PCDH9: variants seen among roughly 807,000 people sequenced by gnomAD.
PCDH9 encodes protocadherin-9.
Under a neutral mutation model 70.6 loss-of-function variants are expected in PCDH9, and 24 were observed. The observed-to-expected ratio is 0.34, with a 90% CI of 0.25 to 0.48. The LOEUF (loss-of-function observed/expected upper bound fraction) is 0.48. Ranked by LOEUF, PCDH9 falls within the 20% of genes least tolerant of loss-of-function variation. PCDH9 has a pLI of 0.99. For synonymous variants in PCDH9, 562 were observed against 558.5 expected (o/e 1.01, Z -0.09); for missense variants, 1,281 against 1,503.6 (o/e 0.85, Z 2.45).
At chr13:66,410,968 C>G (rs1207729981) in intron 4 of PCDH9, among the ~76,000 whole-genome samples, 2 of 152,172 alleles carry the variant, frequency 1.3e-5, no homozygotes, top group Non-Finnish European at 2.9e-5. Context: ...ACAGAATTCT[C>G]TAAGCAAATT....
At chr13:66,951,889 T>G (rs1204307732) in intron 2 of PCDH9, among the ~76,000 whole-genome samples, 4 of 152,248 alleles carry the variant, frequency 2.6e-5, no homozygotes, top group Non-Finnish European at 5.9e-5. Context: ...AAAAGAAAAT[T>G]TCAAAGGAGA....
intron 4 of PCDH9, among the ~76,000 whole-genome samples, chr13:66,629,497 G>A (rs994782607): frequency 2.0e-5 from 3 of 152,208 alleles, no homozygotes; most frequent in African/African-American, 7.2e-5. Context: ...TTGATTCAAT[G>A]AAACCACTTA....
At chr13:66,749,340 C>T (rs893106977) in intron 3 of PCDH9, among the ~76,000 whole-genome samples, 2 of 152,146 alleles carry the variant, frequency 1.3e-5, no homozygotes, top group African/African-American at 2.4e-5. Flanking sequence ...CAAAATCCAT[C>T]TGCACCCTCT....
chr13:67,024,363 G>A (rs1414729711), intron 2 of PCDH9, among the ~76,000 whole-genome samples: 12 of 152,040 alleles, frequency 7.9e-5, no homozygotes. Flanking sequence ...CTATGTTGAG[G>A]TGTGCAGTAC....
At chr13:67,060,924 GAAGT>G (rs1479095543) in intron 2 of PCDH9, among the ~76,000 whole-genome samples, 1 of 152,054 alleles carries the variant, frequency 6.6e-6, no homozygotes, top group African/African-American at 2.4e-5. Context: ...CTTTGTGAAG[GAAGT>G]AAGAGTACTT....
chr13:66,425,698 C>T (rs535380734), intron 4 of PCDH9, among the ~76,000 whole-genome samples: 1 of 151,768 alleles, frequency 6.6e-6, no homozygotes, highest in South Asian at 2.1e-4. Flanking sequence ...GATTATCTAT[C>T]ATAACATTTG....
At chr13:66,962,714 A>G (rs557373581) in intron 2 of PCDH9, among the ~76,000 whole-genome samples, 1 of 152,286 alleles carries the variant, frequency 6.6e-6, no homozygotes, top group Admixed American at 6.5e-5. Context: ...ATGTTATTAC[A>G]TCACACTTGG....
At chr13:67,152,566 T>A (rs188555987) in intron 2 of PCDH9, among the ~76,000 whole-genome samples, 1 of 152,294 alleles carries the variant, frequency 6.6e-6, no homozygotes, top group African/African-American at 2.4e-5. Flanking sequence ...GACCTACACA[T>A]CTCAAGAAAA....
chr13:66,691,876 A>C (rs1175441279), intron 3 of PCDH9, among the ~76,000 whole-genome samples: 1 of 152,194 alleles, frequency 6.6e-6, no homozygotes, highest in Non-Finnish European at 1.5e-5. Context: ...CTCCAAAGAC[A>C]TGCTTATTAT....
At chr13:66,525,140 G>A (rs1000934298) in intron 4 of PCDH9, among the ~76,000 whole-genome samples, 1 of 151,872 alleles carries the variant, frequency 6.6e-6, no homozygotes, top group African/African-American at 2.4e-5. Flanking sequence ...CTCCCTTGTC[G>A]CTCTCATTTC....
chr13:66,979,885 C>T (rs1377879448), intron 2 of PCDH9, among the ~76,000 whole-genome samples: 1 of 152,044 alleles, frequency 6.6e-6, no homozygotes, highest in African/African-American at 2.4e-5. Flanking sequence ...GCCCACTCCA[C>T]CATCTGCTAT....
At chr13:66,375,878 C>T (rs73205668) in intron 4 of PCDH9, among the ~76,000 whole-genome samples, 2,551 of 152,072 alleles carry the variant, frequency 0.017, 44 homozygotes, top group Non-Finnish European at 0.026. Context: ...AAGTGCTTCA[C>T]GAGATAATTA....
Position 66,563,848 on chromosome 13 carries a change from T to C in PCDH9, c.3340+67362A>G, listed in dbSNP as rs117504139. On this transcript the variant is annotated intron_variant, in intron 4 of 4. Transcript: ENST00000377865. ...GGCAGCATAATGCCCACCCCCTCTG[T>C]TTTGAAACATATTACCCAGTTTTAT... Among the ~76,000 whole-genome samples, 668 of 152,288 alleles carry C rather than the reference T, an allele frequency of 4.4e-3. 27 individuals are homozygous for C. In the East Asian group the frequency reaches 0.085, roughly 19 times the overall value.
chr13:66,997,356 A>G (rs1311937851), intron 2 of PCDH9, among the ~76,000 whole-genome samples: 2 of 152,076 alleles, frequency 1.3e-5, no homozygotes, highest in Non-Finnish European at 2.9e-5. Context: ...AGGGAGGGAG[A>G]AGGTGCCAGG....
chr13:66,918,838 C>G (rs2082596904), intron 2 of PCDH9, among the ~76,000 whole-genome samples: 1 of 151,192 alleles, frequency 6.6e-6, no homozygotes, highest in South Asian at 2.1e-4. Flanking sequence ...TGAACTCTTA[C>G]TTGTGCTTTC....
intron 3 of PCDH9, among the ~76,000 whole-genome samples, chr13:66,897,508 G>A (rs1027013094): frequency 6.6e-6 from 1 of 152,080 alleles, no homozygotes; most frequent in Admixed American, 6.6e-5. Flanking sequence ...GAGACATGTA[G>A]TAGAGGGTTG....
intron 3 of PCDH9, among the ~76,000 whole-genome samples, chr13:66,747,344 C>T (rs575492786): frequency 1.3e-5 from 2 of 151,256 alleles, no homozygotes; most frequent in South Asian, 2.1e-4. Context: ...GTGCGAGACG[C>T]CATCTCAAAA....
chr13:67,226,440 A>G lies in PCDH9; in HGVS notation c.2001T>C (p.Asp667=). Residue 667 remains aspartate (D), a synonymous_variant, in exon 2 of 5, where the codon GAT becomes GAC. Coordinates refer to ENST00000377865, the MANE Select transcript of PCDH9 (RefSeq NM_203487.3). The surrounding 1 kb of genome is among the most constrained non-coding windows in gnomAD (Gnocchi z 5.0). The part of the protein sequence containing the change: ...STAKVTINVM[D]VNDNSPVVIS... ...TGACAACTGGGCTGTTGTCATTGAC[A>G]TCCATGACGTTGATAGTTACTTTTG... 6.2e-7 allele frequency: 1 copy of G among 1,613,750 alleles called. No individual in the cohort carries two copies. Among genetic ancestry groups the G allele is most frequent in the Non-Finnish European group, 8.5e-7 (1 of 1,179,618 alleles).
intron 4 of PCDH9, chr13:66,323,242 A>T (rs1955786244): frequency 6.6e-6 from 1 of 151,970 alleles, no homozygotes; most frequent in Admixed American, 6.6e-5. Flanking sequence ...ATGAGTCTTC[A>T]TATCCTCCCA....
Sources: allele counts gnomAD v4.1 joint callset (sites outside exome capture counted in the v4.1 genomes callset), GRCh38; gene constraint gnomAD v4.1.1; non-coding constraint Gnocchi (gnomAD v3.1); transcripts MANE v1.5; gene names NCBI Gene and HGNC (gene_info 2026-07-23, HGNC 2026-07-21).